Variants in FBLN7 observed in about 807,000 individuals in gnomAD.
FBLN7 encodes the protein fibulin 7.
A neutral mutation model predicts 44.0 loss-of-function variants in FBLN7; 31 were observed. The ratio of observed to expected loss-of-function variants is 0.70; its 90% CI spans 0.53 to 0.95. The LOEUF is 0.95. Among genes scored for constraint, FBLN7 ranks in the 40% least tolerant of loss-of-function variants. The pLI, the probability that FBLN7 is intolerant of heterozygous loss-of-function variation, is 0.00. For missense variants in FBLN7, 573 were observed against 618.5 expected (o/e 0.93, Z 0.78); for synonymous variants, 262 against 253.4 (o/e 1.03, Z -0.32).
At chr2:112,138,753 T>C (rs1175704374) in intron 1 of FBLN7, 23 bp downstream of exon 1, 23 of 1,542,008 alleles carry the variant, frequency 1.5e-5, no homozygotes, top group African/African-American at 2.9e-5. Flanking sequence ...CCCGCCTCTC[T>C]CCAGGCCAGT....
rs1445669675 is a variant in FBLN7, at chr2:112,165,010, C to T, written c.245C>T (p.Pro82Leu). Reference sequence around the variant, plus strand: ...CCATCTCTCCTTACAGTTTCCTGCCCGGCTCTGAACACCCCCGCAGACGGC... The same window carrying T: ...CCATCTCTCCTTACAGTTTCCTGCCTGGCTCTGAACACCCCCGCAGACGGC... ...VGPDALPVSC[P>L]ALNTPADGRK... Residue 82 changes from proline to leucine, a missense_variant, in exon 3 of 8, where the codon CCG (proline) becomes CTG (leucine). Physicochemically the swap from Pro to Leu is moderately conservative, Grantham distance 98. Coordinates refer to ENST00000331203, the MANE Select transcript of FBLN7 (RefSeq NM_153214.3). 22 of 1,613,846 alleles carry T rather than the reference C, an allele frequency of 1.4e-5. No homozygotes were observed. The highest frequency in any genetic ancestry group is 1.6e-4 in the Middle Eastern group (1 of 6,078).
intron 1 of FBLN7, among the ~76,000 whole-genome samples, chr2:112,156,910 G>A (rs976609978): frequency 6.6e-6 from 1 of 152,162 alleles, no homozygotes; most frequent in Admixed American, 6.5e-5. Context: ...CATTCCCACC[G>A]CGGTGGTGGT....
At chr2:112,162,607 C>T (rs1681935421) in intron 2 of FBLN7, among the ~76,000 whole-genome samples, 2 of 152,188 alleles carry the variant, frequency 1.3e-5, no homozygotes, top group Admixed American at 6.5e-5. Flanking sequence ...GTAGGATGTG[C>T]TTCTCGCCAA....
intron 1 of FBLN7, among the ~76,000 whole-genome samples, chr2:112,159,269 A>G (rs1388216155): frequency 7.4e-6 from 1 of 135,018 alleles, no homozygotes; most frequent in Admixed American, 7.3e-5. Context: ...TGCCTGTTTT[A>G]CATGTATTAT....
downstream of FBLN7, chr2:112,188,687 C>T (rs1455506810): frequency 6.6e-6 from 1 of 152,082 alleles, no homozygotes; most frequent in Non-Finnish European, 1.5e-5. Flanking sequence ...TTGTATTTGC[C>T]CTGGTATGAG....
chr2:112,138,778 T>C, intron 1 of FBLN7, 48 bp downstream of exon 1: 15 of 1,499,822 alleles, frequency 1.0e-5, no homozygotes, highest in Non-Finnish European at 1.3e-5. Context: ...CTCCCGCCTC[T>C]CTCCAGGCCA....
chr2:112,207,446 G>A, the FBLN7 span, among the ~76,000 whole-genome samples: 16,393 of 140,986 alleles, frequency 0.12, 1,197 homozygotes, highest in Non-Finnish European at 0.16. Context: ...TAGCTGGGGC[G>A]ACAGAGAGAC....
the FBLN7 span, among the ~76,000 whole-genome samples, chr2:112,231,344 C>T: frequency 6.6e-6 from 1 of 152,140 alleles, no homozygotes; most frequent in African/African-American, 2.4e-5. Context: ...TTTTAAGAGA[C>T]TAGCTCCAAC....
At chr2:112,200,421 T>G in the FBLN7 span, among the ~76,000 whole-genome samples, 2 of 152,228 alleles carry the variant, frequency 1.3e-5, no homozygotes, top group African/African-American at 4.8e-5. Context: ...TTGGCCATTC[T>G]CCTTCATTTC....
Position 112,187,389 on chromosome 2 carries a change from C to G in FBLN7, c.1203C>G (p.Asn401Lys), listed in dbSNP as rs868863342. 1 of 1,614,134 alleles carries G rather than the reference C, an allele frequency of 6.2e-7. No individual in the cohort carries two copies. ...RQTGDLILVQ[N>K]LEGPQTLEVD... The stretch of plus-strand genomic sequence containing the variant: ...CTGGGGATCTGATCCTTGTGCAGAA[C>G]CTGGAGGGGCCTCAGACGCTGGAGG... Residue 401 changes from asparagine to lysine, a missense_variant, in exon 8 of 8, where the codon AAC (asparagine) becomes AAG (lysine). Transcript: ENST00000331203. This position sits in a 1 kb window ranked among gnomAD's most constrained non-coding sequence, Gnocchi z 5.1.
At chr2:112,175,649 T>C in intron 3 of FBLN7, 65 bp from the exon 4 acceptor site, 1 of 1,586,698 alleles carries the variant, frequency 6.3e-7, no homozygotes, top group Non-Finnish European at 8.6e-7. Flanking sequence ...TCATCAGTTT[T>C]TTATTGTATT....
chr2:112,203,146 A>T, the FBLN7 span, among the ~76,000 whole-genome samples: 1 of 152,216 alleles, frequency 6.6e-6, no homozygotes, highest in Non-Finnish European at 1.5e-5. Context: ...ATGTGCAGGG[A>T]TGAGAACATG....
downstream of FBLN7, among the ~76,000 whole-genome samples, chr2:112,192,968 G>A (rs143042710): frequency 4.1e-3 from 627 of 152,272 alleles, no homozygotes; most frequent in African/African-American, 0.014. Flanking sequence ...ATGAAAAAAC[G>A]TGTAATGTCA....
chr2:112,234,001 T>C, the FBLN7 span: 3 of 608,962 alleles, frequency 4.9e-6, no homozygotes, highest in Non-Finnish European at 7.7e-6. Flanking sequence ...TAAAATTTTC[T>C]AACTGATTTT....
In FBLN7 at chr2:112,181,748, A is replaced by T; in HGVS notation, c.542A>T (p.Glu181Val). 2 of 1,394,626 alleles carry T rather than the reference A, an allele frequency of 1.4e-6. No homozygotes were observed. Among genetic ancestry groups the T allele is most frequent in the Non-Finnish European group, 1.8e-6 (2 of 1,081,590 alleles). 86.4% of individuals were successfully genotyped at this position (1,394,626 alleles called of 1,614,324 possible). The change falls in exon 5 of 8, where the codon GAG becomes GTG. Residue 181 changes from glutamate to valine, a missense_variant. Coordinates refer to ENST00000331203, the MANE Select transcript of FBLN7 (RefSeq NM_153214.3). The stretch of plus-strand genomic sequence containing the variant: ...TGTCTTCTCCCCGCAGCCGCCCCCG[A>T]GGGCAGCGTGGCCGGCGACTCCGCC... ...CQHQAQTAAP[E>V]GSVAGDSAFS...
chr2:112,155,592 C>G (rs895378493), intron 1 of FBLN7, among the ~76,000 whole-genome samples: 4 of 152,208 alleles, frequency 2.6e-5, no homozygotes, highest in Non-Finnish European at 5.9e-5. Context: ...TCTCCCTCCC[C>G]GCCTGGGACG....
At chr2:112,148,920 A>T (rs1008863118) in intron 1 of FBLN7, among the ~76,000 whole-genome samples, 1 of 152,254 alleles carries the variant, frequency 6.6e-6, no homozygotes, top group Non-Finnish European at 1.5e-5. Flanking sequence ...GTGGGAAAAC[A>T]GACTTCCTTT....
At chr2:112,184,828 C>T (rs1683185526) in intron 6 of FBLN7, among the ~76,000 whole-genome samples, 1 of 140,544 alleles carries the variant, frequency 7.1e-6, no homozygotes, top group African/African-American at 2.9e-5. Context: ...ATACCATATA[C>T]ATATATATAC....
At chr2:112,149,290 TGGGAAAGGAGACGTGGCCAGCCA>T (rs2104544204) in intron 1 of FBLN7, among the ~76,000 whole-genome samples, 1 of 152,268 alleles carries the variant, frequency 6.6e-6, no homozygotes, top group Non-Finnish European at 1.5e-5. Context: ...CATGGCCCGC[TGGGAAAGGAGACGTGGCCAGCCA>T]GTTCAGTGGT....
Sources: allele counts gnomAD v4.1 joint callset (sites outside exome capture counted in the v4.1 genomes callset), GRCh38; gene constraint gnomAD v4.1.1; non-coding constraint Gnocchi (gnomAD v3.1); transcripts MANE v1.5; gene names NCBI Gene and HGNC (gene_info 2026-07-23, HGNC 2026-07-21).